Variants in AARS1 observed in about 807,000 individuals in gnomAD.
AARS1 encodes alanyl-tRNA synthetase 1.
AARS1 carries 72 observed loss-of-function variants against 108.9 expected under a neutral mutation model. That is an observed-to-expected ratio of 0.66 (90% CI 0.55 to 0.80). The LOEUF (loss-of-function observed/expected upper bound fraction) is 0.80, where lower values mean the gene tolerates loss of function less well. AARS1 is among the 30% of genes least tolerant of loss of function. The probability of loss-of-function intolerance (pLI) is 0.00; values close to 1 mark genes in which losing one functional copy is unlikely to be tolerated. For missense variants in AARS1, 1,193 were observed against 1,233.2 expected (o/e 0.97, Z 0.49); for synonymous variants, 489 against 465.7 (o/e 1.05, Z -0.64).
At chr16:70,276,353 C>A in intron 4 of AARS1, 133 bp downstream of exon 4, 1 of 1,024,714 alleles carries the variant, frequency 9.8e-7, no homozygotes, top group East Asian at 2.4e-5. Context: ...TCTAGCCTCA[C>A]TCCTCCCCAT....
At chr16:70,279,670 C>CAAAAAAAAAAAAAAAAAAAA (rs367753826) in intron 2 of AARS1, among the ~76,000 whole-genome samples, 1 of 114,580 alleles carries the variant, frequency 8.7e-6, no homozygotes, top group Non-Finnish European at 1.8e-5. Context: ...CAAAAAAAAA[C>CAAAAAAAAAAAAAAAAAAAA]AAAAAAAAAA....
chr16:70,254,557 C>T, intron 17 of AARS1, 64 bp downstream of exon 17: 2 of 1,176,070 alleles, frequency 1.7e-6, no homozygotes, highest in Non-Finnish European at 2.6e-6. Context: ...CAGATGATTT[C>T]CTGAAGACGG....
chr16:70,283,878 A>G (rs1960772457), intron 1 of AARS1, among the ~76,000 whole-genome samples: 1 of 152,206 alleles, frequency 6.6e-6, no homozygotes, highest in African/African-American at 2.4e-5. Flanking sequence ...GTGAAAGTAC[A>G]AGGGAACTGG....
intron 1 of AARS1, among the ~76,000 whole-genome samples, chr16:70,287,766 C>T (rs1324739783): frequency 6.6e-6 from 1 of 152,000 alleles, no homozygotes; most frequent in African/African-American, 2.4e-5. Context: ...CGTAAAGACA[C>T]TTTTTCTTTT....
intron 3 of AARS1, 75 bp from the exon 4 acceptor site, chr16:70,276,706 G>C: frequency 5.4e-6 from 8 of 1,490,616 alleles, no homozygotes; most frequent in Non-Finnish European, 7.4e-6. Flanking sequence ...CAGATGCTAG[G>C]AACACAGATA....
At chr16:70,265,243 A>G in intron 10 of AARS1, 141 bp from the exon 11 acceptor site, 1 of 1,157,618 alleles carries the variant, frequency 8.6e-7, no homozygotes, top group Admixed American at 1.9e-5. Context: ...ATTTGGGGCC[A>G]GATCATTCTC....
chr16:70,255,070 C>T (rs959729059), intron 16 of AARS1, among the ~76,000 whole-genome samples: 8 of 152,234 alleles, frequency 5.3e-5, no homozygotes, highest in African/African-American at 1.7e-4. Context: ...CTCTACTGCA[C>T]GGCCTCAGAC....
At chr16:70,269,057 C>T (rs1960330029) in intron 7 of AARS1, among the ~76,000 whole-genome samples, 2 of 152,074 alleles carry the variant, frequency 1.3e-5, no homozygotes, top group Admixed American at 1.3e-4. Context: ...GGCACGGTGG[C>T]TCACGCCTGT....
intron 7 of AARS1, among the ~76,000 whole-genome samples, chr16:70,268,928 C>T (rs780092630): frequency 4.6e-5 from 7 of 152,144 alleles, no homozygotes; most frequent in Non-Finnish European, 1.0e-4. Flanking sequence ...ATAAAGAGGC[C>T]GGGCATGGTG....
rs879254073 is a variant in AARS1, at chr16:70,255,807, G to C, written c.2207C>G (p.Ala736Gly). Residue 736 changes from alanine to glycine, a missense_variant, in exon 16 of 21, where the codon GCT (alanine) becomes GGT (glycine). Ala to Gly is a moderately conservative substitution (Grantham distance 60). Transcript: ENST00000261772. ...THLRNSSHAGAFVIVTEEAIA... is the reference protein window; with the variant it reads ...THLRNSSHAGGFVIVTEEAIA... Reference sequence around the variant, plus strand: ...GGCTTCTTCCGTCACGATCACAAAAGCTCCTGCATGACTCGAGTTCCGCAG... The same window carrying C: ...GGCTTCTTCCGTCACGATCACAAAACCTCCTGCATGACTCGAGTTCCGCAG... 1.2e-6 allele frequency: 2 copies of C among 1,613,996 alleles called. No individual in the cohort carries two copies. The highest frequency in any genetic ancestry group is 2.2e-5 in the South Asian group (2 of 91,074).
chr16:70,269,322 G>GAAAAAAAAA lies in AARS1; in HGVS notation c.962+287_962+295dup, dbSNP rs56394253. On this transcript the variant is annotated intron_variant, in intron 7 of 20. Coordinates refer to ENST00000261772, the MANE Select transcript of AARS1 (RefSeq NM_001605.3). ...GCAACAAAAGCAAAATTCTGTCTCA[G>GAAAAAAAAA]AAAAAAAAAAAAAAAAAAAAAAAAA... Among the ~76,000 whole-genome samples, 57 of 64,260 alleles carry GAAAAAAAAA rather than the reference G, an allele frequency of 8.9e-4. 1 individual carries two copies. The highest frequency in any genetic ancestry group is 1.8e-3 in the African/African-American group (28 of 15,192). The allele number at this position is 64,260 out of a possible 152,430, so 42.2% of individuals were successfully genotyped here.
chr16:70,253,450 C>T, intron 19 of AARS1, 69 bp from the exon 20 acceptor site: 2 of 1,327,922 alleles, frequency 1.5e-6, no homozygotes, highest in South Asian at 1.2e-5. Context: ...GCATTTGCAG[C>T]CCTCAGAAGG....
intron 13 of AARS1, among the ~76,000 whole-genome samples, chr16:70,259,866 G>A (rs987172423): frequency 4.6e-5 from 7 of 151,752 alleles, no homozygotes; most frequent in Non-Finnish European, 1.0e-4. Flanking sequence ...TCCATCTCCC[G>A]AGTTCAAGCG....
At chr16:70,255,575 CAG>C (rs1214197561) in intron 16 of AARS1, among the ~76,000 whole-genome samples, 151 bp downstream of exon 16, 13 of 152,218 alleles carry the variant, frequency 8.5e-5, no homozygotes, top group African/African-American at 2.6e-4. Context: ...TTCTGCCACT[CAG>C]GGGTAGGACA....
intron 2 of AARS1, among the ~76,000 whole-genome samples, chr16:70,281,750 G>T (rs571624951): frequency 4.6e-5 from 7 of 152,148 alleles, no homozygotes; most frequent in Non-Finnish European, 5.9e-5. Flanking sequence ...TACTTGGAAG[G>T]CTGACATAAG....
chr16:70,284,957 C>G (rs1025373654), intron 1 of AARS1, among the ~76,000 whole-genome samples: 1 of 152,142 alleles, frequency 6.6e-6, no homozygotes, highest in East Asian at 1.9e-4. Flanking sequence ...ACGCCACGTG[C>G]GGTGGCTCAC....
At chr16:70,279,396 A>G (rs1266637891) in intron 2 of AARS1, among the ~76,000 whole-genome samples, 1 of 148,400 alleles carries the variant, frequency 6.7e-6, no homozygotes, top group Non-Finnish European at 1.5e-5. Flanking sequence ...GCGGTGGCTC[A>G]CACCTGTAAT....
rs548400770 is a variant in AARS1 at position 70,255,268 on chromosome 16, C to T, written c.2286+460G>A. On this transcript the variant is annotated intron_variant, in intron 16 of 20. Transcript: ENST00000261772. ...AAGCTGGAACGCAGTGGTGCGATCT[C>T]GGCTCACTGCAACCTCTGCCTCCCA... 2.8e-5 allele frequency among the ~76,000 whole-genome samples: 4 copies of T among 143,904 alleles called. No homozygotes were observed. The East Asian group carries it at 6.1e-4, about 22-fold the overall frequency. The allele number at this position is 143,904 out of a possible 152,430, so 94.4% of individuals were successfully genotyped here. A position where few individuals can be genotyped will look rare whatever the true frequency, so the allele number is the denominator to read the frequency against.
intron 2 of AARS1, among the ~76,000 whole-genome samples, chr16:70,279,913 C>T (rs1183941599): frequency 1.3e-5 from 2 of 151,966 alleles, no homozygotes; most frequent in African/African-American, 4.8e-5. Context: ...CATTTTGAGA[C>T]AGGGTCTTGC....
Sources: allele counts gnomAD v4.1 joint callset (sites outside exome capture counted in the v4.1 genomes callset), GRCh38; gene constraint gnomAD v4.1.1; transcripts MANE v1.5; gene names NCBI Gene and HGNC (gene_info 2026-07-23, HGNC 2026-07-21).